Variants in FMN1 observed in about 807,000 individuals in gnomAD.
The protein encoded by FMN1 is formin 1.
FMN1 carries 110 observed loss-of-function variants against 132.4 expected under a neutral mutation model. The ratio of observed to expected loss-of-function variants is 0.83; its 90% CI spans 0.71 to 0.97. The LOEUF (loss-of-function observed/expected upper bound fraction) is 0.97. Among genes scored for constraint, FMN1 ranks in the 50% least tolerant of loss-of-function variants. The probability of loss-of-function intolerance (pLI) is 0.00; values close to 1 mark genes in which losing one functional copy is unlikely to be tolerated. For missense variants in FMN1, 1,792 were observed against 1,705.3 expected (o/e 1.05, Z -0.90); for synonymous variants, 722 against 651.7 (o/e 1.11, Z -1.64).
At chr15:33,000,640 T>A (rs2034047639) in intron 7 of FMN1, among the ~76,000 whole-genome samples, 1 of 151,618 alleles carries the variant, frequency 6.6e-6, no homozygotes, top group Admixed American at 6.6e-5. Flanking sequence ...AAATAATAAA[T>A]AAAGGATGCA....
At chr15:33,172,458 T>C (rs773415811) in intron 3 of FMN1, among the ~76,000 whole-genome samples, 6 of 152,170 alleles carry the variant, frequency 3.9e-5, no homozygotes, top group Non-Finnish European at 5.9e-5. Context: ...GGTGAGAGTG[T>C]TATGTGGCTC....
At chr15:33,184,197 G>C (rs969944781) in intron 2 of FMN1, among the ~76,000 whole-genome samples, 1 of 152,186 alleles carries the variant, frequency 6.6e-6, no homozygotes, top group African/African-American at 2.4e-5. Flanking sequence ...ACAGACAGCT[G>C]TCTGAAATGA....
chr15:32,799,546 T>C (rs2057407463), intron 18 of FMN1, among the ~76,000 whole-genome samples: 1 of 152,194 alleles, frequency 6.6e-6, no homozygotes, highest in African/African-American at 2.4e-5. Context: ...AAGCTTAATA[T>C]GATACAAGAA....
At position 32,767,816 on chromosome 15, in the gene FMN1, A is replaced by G. The variant is rs921715434; in HGVS notation, c.*6494T>C. ...AAAACCTATTTGTGTCATTGCGAGC[A>G]AACAGAAGAATTGATACTAGACTTT... On this transcript the variant is annotated 3_prime_UTR_variant, in exon 21 of 21. Coordinates refer to ENST00000616417, the MANE Select transcript of FMN1 (RefSeq NM_001277313.2). 1 of 152,160 alleles carries G rather than the reference A, an allele frequency of 6.6e-6. No individual in the cohort carries two copies. Among genetic ancestry groups the G allele is most frequent in the Admixed American group, 6.5e-5 (1 of 15,278 alleles). The allele number at this position is 152,160 out of a possible 1,614,324, so 9.4% of individuals were successfully genotyped here.
intron 5 of FMN1, among the ~76,000 whole-genome samples, chr15:33,077,761 T>C (rs528113073): frequency 1.4e-3 from 184 of 131,768 alleles, no homozygotes; most frequent in Non-Finnish European, 1.1e-3. Flanking sequence ...AGGGCTAATA[T>C]CCAGAATCTA....
At chr15:33,133,443 C>G (rs370196899) in intron 4 of FMN1, among the ~76,000 whole-genome samples, 1 of 152,184 alleles carries the variant, frequency 6.6e-6, no homozygotes, top group African/African-American at 2.4e-5. Context: ...AGAGTACGAA[C>G]AGGGCCATAG....
At chr15:33,148,477 G>GC (rs1344778119) in intron 4 of FMN1, among the ~76,000 whole-genome samples, 1 of 152,152 alleles carries the variant, frequency 6.6e-6, no homozygotes, top group Non-Finnish European at 1.5e-5. Context: ...GTAGACCACA[G>GC]CCCCTGGCTT....
chr15:32,989,141 G>GA, intron 7 of FMN1, among the ~76,000 whole-genome samples: 1 of 59,272 alleles, frequency 1.7e-5, no homozygotes, highest in Non-Finnish European at 4.4e-5. Flanking sequence ...TTCCACTATA[G>GA]GGGAAGAAAG....
intron 3 of FMN1, among the ~76,000 whole-genome samples, chr15:33,173,774 C>T (rs553779975): frequency 1.3e-5 from 2 of 152,200 alleles, no homozygotes; most frequent in South Asian, 4.2e-4. Flanking sequence ...ACTAAAAATA[C>T]AAAAATTAGC....
chr15:33,022,105 G>A (rs117693485), intron 6 of FMN1, among the ~76,000 whole-genome samples: 1,595 of 152,268 alleles, frequency 0.01, 24 homozygotes, highest in Non-Finnish European at 0.017. Context: ...TATAACCTAT[G>A]CATATCCTAC....
intron 5 of FMN1, chr15:33,067,550 G>A: frequency 6.2e-7 from 1 of 1,613,922 alleles, no homozygotes; most frequent in Non-Finnish European, 8.5e-7. Context: ...AGATGTCCCT[G>A]CTTCTTTTCT....
chr15:32,888,108 CTCT>C, intron 16 of FMN1, 61 bp downstream of exon 16: 1 of 1,410,214 alleles, frequency 7.1e-7, no homozygotes, highest in Non-Finnish European at 9.6e-7. Context: ...CTAAATAATC[CTCT>C]TAAAACATTT....
At chr15:33,067,557 TTC>T in intron 5 of FMN1, 1 of 1,613,980 alleles carries the variant, frequency 6.2e-7, no homozygotes, top group East Asian at 2.2e-5. Flanking sequence ...CCTGCTTCTT[TTC>T]TCTGACTTCC....
intron 17 of FMN1, among the ~76,000 whole-genome samples, chr15:32,839,685 A>G (rs2058703433): frequency 6.6e-6 from 1 of 151,992 alleles, no homozygotes; most frequent in Non-Finnish European, 1.5e-5. Flanking sequence ...GCTTGCACCC[A>G]TCAGTGTCCT....
intron 18 of FMN1, among the ~76,000 whole-genome samples, chr15:32,802,840 C>T (rs1041757084): frequency 6.6e-5 from 10 of 152,130 alleles, no homozygotes; most frequent in African/African-American, 1.9e-4. Context: ...TGAAGGGAAG[C>T]TTAACATAGG....
intron 6 of FMN1, among the ~76,000 whole-genome samples, chr15:33,061,068 AT>A (rs1279750998): frequency 6.6e-6 from 1 of 152,176 alleles, no homozygotes; most frequent in Non-Finnish European, 1.5e-5. Flanking sequence ...GTGCCCACAG[AT>A]GGCTGTGGGG....
chr15:32,830,682 AG>A (rs900203753), intron 17 of FMN1, among the ~76,000 whole-genome samples: 2 of 152,200 alleles, frequency 1.3e-5, no homozygotes, highest in African/African-American at 4.8e-5. Flanking sequence ...AGTGCCACAG[AG>A]GTAACAGAAA....
At chr15:32,940,684 C>G (rs1333082746) in intron 9 of FMN1, among the ~76,000 whole-genome samples, 3 of 151,980 alleles carry the variant, frequency 2.0e-5, no homozygotes, top group South Asian at 2.1e-4. Context: ...TTTTCCGAAA[C>G]AAAAATCCAG....
At position 33,153,716 on chromosome 15, in the gene FMN1, G is replaced by T; in HGVS notation, c.1199C>A (p.Ala400Asp). ...RQGDRSSQSP[A>D]GETASISSVS... ...ACTAGAAATGGAGGCTGTTTCCCCGGCTGGCGACTGCGATGACCTATCCCC... is the reference window on the plus strand; with the variant it reads ...ACTAGAAATGGAGGCTGTTTCCCCGTCTGGCGACTGCGATGACCTATCCCC... Residue 400 changes from alanine (A) to aspartate (D), a missense_variant, in exon 4 of 21, where the codon GCC (alanine) becomes GAC (aspartate). By Grantham distance (126) the Ala-to-Asp change is moderately radical. Transcript: ENST00000616417. The T allele has an allele frequency of 1.3e-6, 2 of 1,536,262 alleles. No homozygotes were observed. Among genetic ancestry groups the T allele is most frequent in the Non-Finnish European group, 8.7e-7 (1 of 1,146,956 alleles).
Sources: gnomAD v4.1 joint callset for allele counts (sites outside exome capture counted in the v4.1 genomes callset) on GRCh38, gnomAD v4.1.1 for gene constraint, MANE v1.5 for transcripts, NCBI Gene and HGNC (gene_info 2026-07-23, HGNC 2026-07-21) for gene names.